The following TULP2 variants were observed in gnomAD, a reference collection of about 807,000 sequenced individuals.
TULP2 encodes the protein TUB like protein 2.
A neutral mutation model predicts 60.3 loss-of-function variants in TULP2; 64 were observed. That is an observed-to-expected ratio of 1.06 (90% confidence interval 0.87 to 1.31). The LOEUF (loss-of-function observed/expected upper bound fraction) is 1.31, where lower values mean the gene tolerates loss of function less well. Ranked by LOEUF, TULP2 falls within the 50% of genes most tolerant of loss-of-function variation. TULP2 has a pLI of 0.00. For missense variants in TULP2, 652 were observed against 667.0 expected, an observed-to-expected ratio of 0.98 and a Z score of 0.25; for synonymous variants, 267 against 265.4, an observed-to-expected ratio of 1.01 and a Z score of -0.06.
chr19:48,882,005 C>T (rs769250578), intron 12 of TULP2, 27 bp downstream of exon 12: 10 of 1,614,018 alleles, frequency 6.2e-6, no homozygotes, highest in Admixed American at 1.7e-5. Flanking sequence ...CCACCTGGCC[C>T]GGCTAAACTG....
chr19:48,881,875 G>A, intron 12 of TULP2, 157 bp downstream of exon 12: 1 of 946,544 alleles, frequency 1.1e-6, no homozygotes, highest in Non-Finnish European at 1.6e-6. Flanking sequence ...AAACCCTGAG[G>A]GTGTGTAAAC....
At chr19:48,889,469 C>T in intron 7 of TULP2, 41 bp downstream of exon 7, 1 of 1,557,894 alleles carries the variant, frequency 6.4e-7, no homozygotes, top group African/African-American at 1.4e-5. Context: ...CGAGGCTAGC[C>T]CTCTTCTTCC....
intron 7 of TULP2, among the ~76,000 whole-genome samples, chr19:48,888,470 C>T (rs1181856539): frequency 6.6e-6 from 1 of 152,180 alleles, no homozygotes; most frequent in African/African-American, 2.4e-5. Context: ...ACGCATTCCA[C>T]CTGCTGATTG....
At chr19:48,894,941 A>G (rs1434393420) in intron 6 of TULP2, 57 bp downstream of exon 6, 124 of 1,555,488 alleles carry the variant, frequency 8.0e-5, no homozygotes, top group Non-Finnish European at 1.1e-4. Flanking sequence ...AGAAAGGGGA[A>G]GATTTGCTGC....
chr19:48,889,461 A>G, intron 7 of TULP2, 49 bp downstream of exon 7: 1 of 1,545,994 alleles, frequency 6.5e-7, no homozygotes, highest in Non-Finnish European at 8.8e-7. Context: ...CAGAGGTCCG[A>G]GGCTAGCCCT....
intron 8 of TULP2, among the ~76,000 whole-genome samples, chr19:48,886,463 G>A (rs939479509): frequency 3.9e-5 from 6 of 152,240 alleles, no homozygotes; most frequent in Middle Eastern, 3.4e-3. Context: ...TTTGGAGAAT[G>A]GGGAGCACCC....
At chr19:48,881,831 T>TC (rs2037135528) in intron 12 of TULP2, among the ~76,000 whole-genome samples, 1 of 152,076 alleles carries the variant, frequency 6.6e-6, no homozygotes, top group Admixed American at 6.6e-5. Context: ...AATGGAGACT[T>TC]TTAAGAGGCT....
At position 48,897,451 on chromosome 19, in the gene TULP2, G is replaced by C; in HGVS notation, c.33-55C>G. 1 of 1,584,702 alleles carries C rather than the reference G, an allele frequency of 6.3e-7. No individual in the cohort carries two copies. Among genetic ancestry groups the C allele is most frequent in the Non-Finnish European group, 8.6e-7 (1 of 1,158,620 alleles). On this transcript the variant is annotated intron_variant, in intron 2 of 12. Coordinates refer to ENST00000221399, the MANE Select transcript of TULP2 (RefSeq NM_003323.3). This position sits in a 1 kb window ranked among gnomAD's most constrained non-coding sequence, Gnocchi z 4.0. The stretch of plus-strand genomic sequence containing the variant: ...TGCACAGGGAACCTCGGTTGCCCAA[G>C]AGAGTCCCTCCTTCCCCCATCCTGC...
In TULP2 at chr19:48,897,424, A is replaced by G; in HGVS notation, c.33-28T>C. 6.2e-7 allele frequency: 1 copy of G among 1,612,482 alleles called. No homozygotes were observed. The highest frequency in any genetic ancestry group is 8.5e-7 in the Non-Finnish European group (1 of 1,179,194). ...GAGAGAGACACAGGCCCATGGTGACAGTGCACAGGGAACCTCGGTTGCCCA... is the reference window on the plus strand; with the variant it reads ...GAGAGAGACACAGGCCCATGGTGACGGTGCACAGGGAACCTCGGTTGCCCA... On this transcript the variant is annotated intron_variant, in intron 2 of 12. Transcript: ENST00000221399. The surrounding 1 kb of genome is among the most constrained non-coding windows in gnomAD (Gnocchi z 4.0).
At chr19:48,889,459 C>G in intron 7 of TULP2, 51 bp downstream of exon 7, 1 of 1,541,402 alleles carries the variant, frequency 6.5e-7, no homozygotes, top group South Asian at 1.2e-5. Context: ...ACCAGAGGTC[C>G]GAGGCTAGCC....
At chr19:48,889,331 T>TAC (rs150357273) in intron 7 of TULP2, among the ~76,000 whole-genome samples, 179 bp downstream of exon 7, 1 of 151,788 alleles carries the variant, frequency 6.6e-6, no homozygotes, top group Non-Finnish European at 1.5e-5. Context: ...TGATGAATGG[T>TAC]ACACACACAC....
intron 6 of TULP2, among the ~76,000 whole-genome samples, chr19:48,891,395 G>A (rs2037231925): frequency 6.6e-6 from 1 of 151,612 alleles, no homozygotes; most frequent in African/African-American, 2.4e-5. Flanking sequence ...CACTTTGGGA[G>A]GCGGAGGTGG....
chr19:48,890,016 G>C (rs1468999497), intron 6 of TULP2, among the ~76,000 whole-genome samples: 1 of 152,206 alleles, frequency 6.6e-6, no homozygotes, highest in Non-Finnish European at 1.5e-5. Flanking sequence ...GGCCTCGTGG[G>C]AAGGGAAAGA....
At chr19:48,889,336 A>C (rs2037211524) in intron 7 of TULP2, among the ~76,000 whole-genome samples, 174 bp downstream of exon 7, 1 of 151,936 alleles carries the variant, frequency 6.6e-6, no homozygotes, top group Non-Finnish European at 1.5e-5. Context: ...AATGGTACAC[A>C]CACACACATG....
In TULP2 at chr19:48,885,314, C is replaced by T. The variant is rs114790337; in HGVS notation, c.1061+134G>A. 2.9e-3 allele frequency: 1,941 copies of T among 670,238 alleles called. 25 individuals carry two copies. Among genetic ancestry groups the T allele is most frequent in the African/African-American group, 0.027 (1,469 of 55,098 alleles). The allele number at this position is 670,238 out of a possible 1,614,324, so 41.5% of individuals were successfully genotyped here. ...GTCAAATGCCTTAAATGCCAGCCTA[C>T]GTTCCAAACCCTTCAGTTCTTCTGG... On this transcript the variant is annotated intron_variant, in intron 9 of 12. Transcript: ENST00000221399.
In TULP2 at chr19:48,897,796, C is replaced by T; in HGVS notation, c.32+41G>A. The T allele has an allele frequency of 6.2e-7, 1 of 1,611,552 alleles. No individual in the cohort carries two copies. The highest frequency in any genetic ancestry group is 8.5e-7 in the Non-Finnish European group (1 of 1,177,982). Reference sequence around the variant, plus strand: ...GAGCCGAGTGCACGGGGTCCCCAGCCCTTTCCACCTCCACCCCTACCCATC... The same window carrying T: ...GAGCCGAGTGCACGGGGTCCCCAGCTCTTTCCACCTCCACCCCTACCCATC... On this transcript the variant is annotated intron_variant, in intron 2 of 12. Transcript: ENST00000221399. This position sits in a 1 kb window ranked among gnomAD's most constrained non-coding sequence, Gnocchi z 4.0.
chr19:48,894,160 G>A (rs1388688034), intron 6 of TULP2, among the ~76,000 whole-genome samples: 1 of 151,826 alleles, frequency 6.6e-6, no homozygotes, highest in Non-Finnish European at 1.5e-5. Context: ...GGCCTCCGGA[G>A]TATCTGGGAT....
intron 3 of TULP2, 137 bp from the exon 4 acceptor site, chr19:48,896,693 G>T: frequency 9.4e-7 from 1 of 1,063,318 alleles, no homozygotes; most frequent in Non-Finnish European, 1.3e-6. Flanking sequence ...ACACGTCCAG[G>T]CCCTCAGTTC....
In TULP2 at chr19:48,885,485, G is replaced by T. The variant is rs745963993; in HGVS notation, c.1024C>A (p.Leu342Ile). 1 of 1,614,030 alleles carries T rather than the reference G, an allele frequency of 6.2e-7. No homozygotes were observed. Among genetic ancestry groups the T allele is most frequent in the Non-Finnish European group, 8.5e-7 (1 of 1,179,972 alleles). Reference protein sequence around the residue: ...NYLISLDPTHLSRDGDNFVGK... With the variant: ...NYLISLDPTHISRDGDNFVGK... ...ACGAAATTGTCCCCGTCCCGAGATA[G>T]GTGTGTAGGATCCAGGGAGATGAGG... is the stretch of plus-strand genomic sequence containing the variant. The change falls in exon 9 of 13, where the codon CTA (leucine) becomes ATA (isoleucine). Residue 342 changes from leucine (L) to isoleucine (I), a missense_variant. Physicochemically the swap from Leu to Ile is conservative, Grantham distance 5. Coordinates refer to ENST00000221399, the MANE Select transcript of TULP2 (RefSeq NM_003323.3).
Sources: allele counts gnomAD v4.1 joint callset (sites outside exome capture counted in the v4.1 genomes callset), GRCh38; gene constraint gnomAD v4.1.1; non-coding constraint Gnocchi (gnomAD v3.1); transcripts MANE v1.5; gene names NCBI Gene and HGNC (gene_info 2026-07-23, HGNC 2026-07-21).